Variants in AOX1 observed in about 807,000 individuals in gnomAD.
The protein encoded by AOX1 is aldehyde oxidase.
Under a neutral mutation model 169.5 loss-of-function variants are expected in AOX1, and 153 were observed. That is an observed-to-expected ratio of 0.90 (90% CI 0.79 to 1.03). AOX1 has a LOEUF of 1.03. AOX1 is among the 50% of genes least tolerant of loss of function. The pLI is 0.00. For synonymous variants in AOX1, 562 were observed against 581.9 expected, an observed-to-expected ratio of 0.97 and a Z score of 0.49; for missense variants, 1,656 against 1,663.9, an observed-to-expected ratio of 1.00 and a Z score of 0.08.
intron 28 of AOX1, 79 bp downstream of exon 28, chr2:200,659,372 C>T (rs2035765385): frequency 8.0e-6 from 12 of 1,491,828 alleles, no homozygotes; most frequent in Non-Finnish European, 1.1e-5. Flanking sequence ...TCCAAAGATG[C>T]TGAGAGTTAA....
intron 29 of AOX1, 80 bp downstream of exon 29, chr2:200,660,149 A>T (rs1040232971): frequency 1.0e-5 from 12 of 1,186,172 alleles, no homozygotes; most frequent in Middle Eastern, 1.9e-4. Context: ...GCATTAATTG[A>T]AATCTGTAGA....
At position 200,597,440 on chromosome 2, in the gene AOX1, T is replaced by C. The variant is rs2034306910; in HGVS notation, c.244T>C (p.Tyr82His). 1 of 1,611,868 alleles carries C rather than the reference T, an allele frequency of 6.2e-7. No individual in the cohort carries two copies. Among genetic ancestry groups the C allele is most frequent in the Non-Finnish European group, 8.5e-7 (1 of 1,179,034 alleles). ...NACLIPICSL[Y>H]GAAVTTVEGI... ...CTGTCTGATTCCCATCTGTTCTCTG[T>C]ATGGTGCTGCCGTCACCACAGTAGA... is the stretch of plus-strand genomic sequence containing the variant. The change falls in exon 4 of 35, where the codon TAT becomes CAT. Residue 82 changes from tyrosine (Y) to histidine (H), a missense_variant. Transcript: ENST00000374700.
chr2:200,669,585 A>T lies in AOX1; in HGVS notation c.3809A>T (p.Glu1270Val), dbSNP rs2035988623. 6.2e-7 allele frequency: 1 copy of T among 1,613,762 alleles called. No individual in the cohort carries two copies. Among genetic ancestry groups the T allele is most frequent in the African/African-American group, 1.3e-5 (1 of 74,812 alleles). The change falls in exon 34 of 35, where the codon GAG becomes GTG. Residue 1270 changes from glutamate to valine, a missense_variant. Transcript: ENST00000374700. ...ATGCTTCCTTTCAAGGGTCTGGGAG[A>T]GTCGGGGGTGTTCCTGGGGTGTTCC... ...NTLYSSKGLG[E>V]SGVFLGCSVF... is the part of the protein sequence containing the mutation.
intron 27 of AOX1, among the ~76,000 whole-genome samples, chr2:200,658,831 G>A (rs1468402026): frequency 6.6e-6 from 1 of 152,200 alleles, no homozygotes; most frequent in African/African-American, 2.4e-5. Flanking sequence ...TTTGCAGAGT[G>A]TGGTCGTAGG....
rs1248392107 is a variant in AOX1, at chr2:200,660,022, C to T, written c.3328C>T (p.Leu1110Phe). The change falls in exon 29 of 35, where the codon CTC becomes TTC. Residue 1110 changes from leucine (L) to phenylalanine (F), a missense_variant. Physicochemically the swap from Leu to Phe is conservative, Grantham distance 22 (BLOSUM62 0). Transcript: ENST00000374700. ...TGCCTGTCAAACTCTTCTAAAACGCCTCGAACCCATCATCAGCAAGAATCC... is the reference window on the plus strand; with the variant it reads ...TGCCTGTCAAACTCTTCTAAAACGCTTCGAACCCATCATCAGCAAGAATCC... ...KDACQTLLKR[L>F]EPIISKNPKG... The T allele has an allele frequency of 3.1e-6, 5 of 1,613,728 alleles. No homozygotes were observed. Among genetic ancestry groups the T allele is most frequent in the Non-Finnish European group, 4.2e-6 (5 of 1,179,894 alleles).
At chr2:200,659,787 C>CACACACACAT (rs763039744) in intron 28 of AOX1, among the ~76,000 whole-genome samples, 1,118 of 42,612 alleles carry the variant, frequency 0.026, 3 homozygotes, top group Admixed American at 0.047. Flanking sequence ...TTCTCTCTCT[C>CACACACACAT]ACACACACAC....
rs2034308969 is a variant in AOX1, at chr2:200,597,494, C to T, written c.298C>T (p.His100Tyr). 9 of 1,609,332 alleles carry T rather than the reference C, an allele frequency of 5.6e-6. No homozygotes were observed. The highest frequency in any genetic ancestry group is 7.6e-6 in the Non-Finnish European group (9 of 1,176,754). ...EGIGSTHTRI[H>Y]PVQERIAKCH... Reference sequence around the variant, plus strand: ...CATAGGAAGCACCCACACCAGAATTCATCCTGTTCAGGTGAGGATGTGCCT... The same window carrying T: ...CATAGGAAGCACCCACACCAGAATTTATCCTGTTCAGGTGAGGATGTGCCT... The change falls in exon 4 of 35, where the codon CAT becomes TAT. Residue 100 changes from histidine to tyrosine, a missense_variant. Coordinates refer to ENST00000374700, the MANE Select transcript of AOX1 (RefSeq NM_001159.4).
chr2:200,676,845 A>T (rs988779695), intron 4 of AOX1: 2 of 459,392 alleles, frequency 4.4e-6, no homozygotes, highest in African/African-American at 4.1e-5. Context: ...ATGGCCCCGG[A>T]AGCTGCTTCA....
At chr2:200,607,066 C>T (rs1391476466) in intron 10 of AOX1, among the ~76,000 whole-genome samples, 1 of 152,130 alleles carries the variant, frequency 6.6e-6, no homozygotes, top group Non-Finnish European at 1.5e-5. Flanking sequence ...TGCCAGTTTT[C>T]AAAGGGAATC....
intron 26 of AOX1, 70 bp from the exon 27 acceptor site, chr2:200,656,772 T>G (rs957770659): frequency 1.4e-5 from 16 of 1,135,834 alleles, no homozygotes; most frequent in Non-Finnish European, 2.0e-5. Flanking sequence ...CCAAGGAAAA[T>G]GTTTTAATTG....
chr2:200,646,105 G>A (rs913794403), intron 25 of AOX1, among the ~76,000 whole-genome samples: 2 of 151,934 alleles, frequency 1.3e-5, no homozygotes, highest in African/African-American at 4.8e-5. Context: ...TGCTAGGTTT[G>A]GGTTTGGTTT....
chr2:200,636,059 A>C (rs2035222595), intron 21 of AOX1, among the ~76,000 whole-genome samples: 4 of 138,024 alleles, frequency 2.9e-5, no homozygotes, highest in Admixed American at 2.9e-4. Context: ...TGAGATCTGC[A>C]TCTAGGAAAG....
intron 1 of AOX1, among the ~76,000 whole-genome samples, chr2:200,592,577 A>G (rs2034196808): frequency 6.6e-6 from 1 of 152,194 alleles, no homozygotes; most frequent in Non-Finnish European, 1.5e-5. Context: ...GAACTTGCCT[A>G]AGTATGTCCT....
chr2:200,590,028 T>C (rs1039967661), intron 1 of AOX1, among the ~76,000 whole-genome samples: 3 of 152,198 alleles, frequency 2.0e-5, no homozygotes, highest in Non-Finnish European at 2.9e-5. Context: ...CTTTCTCTCC[T>C]CTGAGGCTGC....
intron 22 of AOX1, 37 bp from the exon 23 acceptor site, chr2:200,638,178 A>G: frequency 6.3e-7 from 1 of 1,599,214 alleles, no homozygotes; most frequent in Non-Finnish European, 8.6e-7. Context: ...CCTGCTAGGT[A>G]AAAGAGGTTA....
At chr2:200,657,190 A>ATATATTTTT in intron 27 of AOX1, among the ~76,000 whole-genome samples, 1 of 62,880 alleles carries the variant, frequency 1.6e-5, no homozygotes. Context: ...ATATATATAT[A>ATATATTTTT]TTTTTTTTTT....
chr2:200,670,677 T>C lies in AOX1; in HGVS notation c.4015T>C (p.Ter1339ArgextTer27). The change falls in exon 35 of 35, where the codon TGA becomes CGA. Residue 1339 changes from the stop codon to arginine (R), a stop_lost. Coordinates refer to ENST00000374700, the MANE Select transcript of AOX1 (RefSeq NM_001159.4). ...CTACGTTCCTTGGAATGTACCCATC[T>C]GAATCAAATGCAAACTTCTGGAGAA... ...GSYVPWNVPI[*>R] The C allele has an allele frequency of 6.2e-7, 1 of 1,611,688 alleles. No homozygotes were observed. Among genetic ancestry groups the C allele is most frequent in the Non-Finnish European group, 8.5e-7 (1 of 1,178,464 alleles).
intron 15 of AOX1, among the ~76,000 whole-genome samples, chr2:200,615,197 G>A (rs1444725804): frequency 6.6e-6 from 1 of 152,080 alleles, no homozygotes; most frequent in Non-Finnish European, 1.5e-5. Context: ...TGGAGAGACA[G>A]AGTCTTACCA....
chr2:200,603,914 C>T (rs1479636020), intron 7 of AOX1, 103 bp from the exon 8 acceptor site: 20 of 766,606 alleles, frequency 2.6e-5, no homozygotes, highest in Admixed American at 1.4e-4. Flanking sequence ...ACTTTTTTGT[C>T]GGTTTGCTGT....
Sources: gnomAD v4.1 joint callset for allele counts (sites outside exome capture counted in the v4.1 genomes callset) on GRCh38, gnomAD v4.1.1 for gene constraint, MANE v1.5 for transcripts, NCBI Gene and HGNC (gene_info 2026-07-23, HGNC 2026-07-21) for gene names.